The following RASGEF1C variants were observed in gnomAD, a reference collection of about 807,000 sequenced individuals.
The protein encoded by RASGEF1C is ras-GEF domain-containing family member 1C.
RASGEF1C carries 27 observed loss-of-function variants against 58.1 expected under a neutral mutation model. The ratio of observed to expected loss-of-function variants is 0.46; its 90% confidence interval spans 0.34 to 0.64. The LOEUF is 0.64. Among genes scored for constraint, RASGEF1C ranks in the 30% least tolerant of loss-of-function variants. The pLI is 0.01. For missense variants in RASGEF1C, 502 were observed against 605.1 expected, an observed-to-expected ratio of 0.83 and a Z score of 1.79; for synonymous variants, 243 against 246.3, an observed-to-expected ratio of 0.99 and a Z score of 0.13.
rs548657293 is a variant in RASGEF1C at position 180,153,655 on chromosome 5, A to G, written c.-6-15597T>C. 2.0e-5 allele frequency among the ~76,000 whole-genome samples: 3 copies of G among 152,278 alleles called. No individual in the cohort carries two copies. In the South Asian group the frequency reaches 6.2e-4, roughly 32 times the overall value. On this transcript the variant is annotated intron_variant, in intron 1 of 13. Coordinates refer to ENST00000361132, the MANE Select transcript of RASGEF1C (RefSeq NM_175062.4). The stretch of plus-strand genomic sequence containing the variant: ...TGGCTATTGCTACTGTGTTTTGTAT[A>G]TGGCTTTGTATAGCATCTTATTCGT...
At chr5:180,179,929 A>G (rs1767296446) in intron 1 of RASGEF1C, among the ~76,000 whole-genome samples, 1 of 152,204 alleles carries the variant, frequency 6.6e-6, no homozygotes, top group Non-Finnish European at 1.5e-5. Context: ...TGCGTCCGTC[A>G]ACGAGTTTTT....
intron 1 of RASGEF1C, among the ~76,000 whole-genome samples, chr5:180,163,208 C>T (rs1166618333): frequency 1.3e-5 from 2 of 148,464 alleles, no homozygotes; most frequent in Non-Finnish European, 3.0e-5. Context: ...CTGTAGGCTT[C>T]CCTTCCTCTC....
intron 1 of RASGEF1C, among the ~76,000 whole-genome samples, chr5:180,178,125 C>T (rs1468594431): frequency 6.7e-6 from 1 of 149,080 alleles, no homozygotes; most frequent in African/African-American, 2.5e-5. Context: ...CACCACCAAG[C>T]CTGGCTAATT....
intron 12 of RASGEF1C, among the ~76,000 whole-genome samples, chr5:180,104,553 A>G (rs1202940905): frequency 6.6e-6 from 1 of 152,178 alleles, no homozygotes; most frequent in Non-Finnish European, 1.5e-5. Context: ...TGAATTACCC[A>G]GTCTAAGGTA....
intron 1 of RASGEF1C, among the ~76,000 whole-genome samples, chr5:180,191,396 G>C (rs531000612): frequency 6.6e-4 from 100 of 151,416 alleles, no homozygotes; most frequent in African/African-American, 2.3e-3. Context: ...TAGCTCTGTC[G>C]CCCAGGCTGG....
intron 1 of RASGEF1C, among the ~76,000 whole-genome samples, chr5:180,138,597 G>A (rs1455393159): frequency 2.6e-5 from 4 of 152,168 alleles, no homozygotes; most frequent in Non-Finnish European, 5.9e-5. Flanking sequence ...GCACAGTGTC[G>A]CTGTGCTGAG....
chr5:180,140,339 T>C (rs185560632), intron 1 of RASGEF1C, among the ~76,000 whole-genome samples: 76 of 152,236 alleles, frequency 5.0e-4, no homozygotes, highest in African/African-American at 1.7e-3. Context: ...CAGCCTTCAG[T>C]TTTTTCCTGT....
At chr5:180,114,595 C>G in intron 10 of RASGEF1C, 54 bp from the exon 11 acceptor site, 1 of 1,536,808 alleles carries the variant, frequency 6.5e-7, no homozygotes, top group Non-Finnish European at 8.9e-7. Context: ...ACAGCGGGCT[C>G]CAGGACGGGG....
intron 11 of RASGEF1C, among the ~76,000 whole-genome samples, chr5:180,114,045 C>T (rs1250873256): frequency 6.6e-6 from 1 of 152,146 alleles, no homozygotes; most frequent in Non-Finnish European, 1.5e-5. Flanking sequence ...TCACTCTGGC[C>T]TCGGCCTGAT....
chr5:180,208,361 G>T (rs1454122298), intron 1 of RASGEF1C, among the ~76,000 whole-genome samples: 1 of 152,016 alleles, frequency 6.6e-6, no homozygotes. Context: ...CCACGCCCAC[G>T]CTGAGCATGG....
chr5:180,128,645 C>T, intron 4 of RASGEF1C, 35 bp from the exon 5 acceptor site: 2 of 1,599,332 alleles, frequency 1.3e-6, no homozygotes, highest in Non-Finnish European at 1.7e-6. Context: ...CAGGACTGAA[C>T]ACTCATCTCT....
At chr5:180,205,240 T>A (rs1376189995) in intron 1 of RASGEF1C, among the ~76,000 whole-genome samples, 3 of 151,472 alleles carry the variant, frequency 2.0e-5, no homozygotes, top group Non-Finnish European at 4.4e-5. Flanking sequence ...ACAATAAAAC[T>A]AACAATAAAA....
At position 180,198,974 on chromosome 5, in the gene RASGEF1C, G is replaced by A. The variant is rs1358566381; in HGVS notation, c.-7+10054C>T. ...CAGGAAGGACTCCCAGAGGGTAGAA[G>A]GGAAACTGAGGCAGGAGCCCAACAG... On this transcript the variant is annotated intron_variant, in intron 1 of 13. Coordinates refer to ENST00000361132, the MANE Select transcript of RASGEF1C (RefSeq NM_175062.4). The surrounding 1 kb of genome is among the most constrained non-coding windows in gnomAD (Gnocchi z 4.5). Among the ~76,000 whole-genome samples, 1 of 152,088 alleles carries A rather than the reference G, an allele frequency of 6.6e-6. No homozygotes were observed. Among genetic ancestry groups the A allele is most frequent in the Non-Finnish European group, 1.5e-5 (1 of 67,996 alleles).
chr5:180,192,994 C>T (rs1240228889), intron 1 of RASGEF1C, among the ~76,000 whole-genome samples: 3 of 151,878 alleles, frequency 2.0e-5, no homozygotes, highest in African/African-American at 7.3e-5. Context: ...GATCCACCCA[C>T]CTTGGCCTCC....
At chr5:180,107,458 C>G (rs1765888757) in intron 12 of RASGEF1C, among the ~76,000 whole-genome samples, 3 of 152,110 alleles carry the variant, frequency 2.0e-5, no homozygotes, top group Admixed American at 6.5e-5. Context: ...TCTGGCTTGA[C>G]AGTTCTTTTG....
At position 180,177,007 on chromosome 5, in the gene RASGEF1C, C is replaced by T. The variant is rs560555937; in HGVS notation, c.-7+32021G>A. 2.8e-4 allele frequency among the ~76,000 whole-genome samples: 42 copies of T among 152,308 alleles called. No individual in the cohort carries two copies. Among genetic ancestry groups the T allele is most frequent in the African/African-American group, 8.2e-4 (34 of 41,580 alleles). ...ACCCAAGACAGGGCCCCTGGCCTGG[C>T]CTCCAACTCCCACCCAACCTTGGTC... On this transcript the variant is annotated intron_variant, in intron 1 of 13. Coordinates refer to ENST00000361132, the MANE Select transcript of RASGEF1C (RefSeq NM_175062.4). The surrounding 1 kb of genome is among the most constrained non-coding windows in gnomAD (Gnocchi z 5.0).
intron 11 of RASGEF1C, among the ~76,000 whole-genome samples, chr5:180,113,250 A>G (rs111161626): frequency 0.022 from 310 of 13,796 alleles, 4 homozygotes; most frequent in East Asian, 0.043. Context: ...GGAGGGACCG[A>G]GGATGGACGG....
In RASGEF1C at chr5:180,174,432, G is replaced by A. The variant is rs1364484491; in HGVS notation, c.-7+34596C>T. Among the ~76,000 whole-genome samples, 6 of 147,408 alleles carry A rather than the reference G, an allele frequency of 4.1e-5. No individual in the cohort carries two copies. The South Asian group carries it at 6.3e-4, about 16-fold the overall frequency. On this transcript the variant is annotated intron_variant, in intron 1 of 13. Transcript: ENST00000361132. ...TGTGTGCGTGCGTGCATGTGCACAC[G>A]TGTGTGTCTGTGCATGTGCGTGTGT...
chr5:180,179,984 C>A (rs989663958), intron 1 of RASGEF1C, among the ~76,000 whole-genome samples: 14 of 152,176 alleles, frequency 9.2e-5, no homozygotes, highest in African/African-American at 2.7e-4. Flanking sequence ...AAAGGAAGGA[C>A]CGGGCGAGTG....
Sources: allele counts gnomAD v4.1 joint callset (sites outside exome capture counted in the v4.1 genomes callset), GRCh38; gene constraint gnomAD v4.1.1; non-coding constraint Gnocchi (gnomAD v3.1); transcripts MANE v1.5; gene names NCBI Gene and HGNC (gene_info 2026-07-23, HGNC 2026-07-21).